The following RORC variants were observed in gnomAD, a reference collection of about 807,000 sequenced individuals.
The protein encoded by RORC is nuclear receptor ROR-gamma.
In RORC, 13 loss-of-function variants were observed where a neutral mutation model predicts 64.5. That is an observed-to-expected ratio of 0.20 (90% CI 0.13 to 0.32). The LOEUF is 0.32. RORC is among the 10% of genes least tolerant of loss of function. RORC has a pLI of 1.00. For synonymous variants in RORC, 277 were observed against 259.3 expected (o/e 1.07, Z -0.65); for missense variants, 468 against 669.5 (o/e 0.70, Z 3.32).
intron 2 of RORC, among the ~76,000 whole-genome samples, chr1:151,817,705 C>A (rs954806282): frequency 6.6e-6 from 1 of 152,246 alleles, no homozygotes; most frequent in African/African-American, 2.4e-5. Context: ...GGCTCAGCTC[C>A]CATGGGCAAA....
intron 2 of RORC, among the ~76,000 whole-genome samples, chr1:151,819,229 C>T (rs1483404871): frequency 6.6e-6 from 1 of 152,196 alleles, no homozygotes; most frequent in East Asian, 1.9e-4. Flanking sequence ...GGCCCCCATA[C>T]TTCTAGTCAC....
At chr1:151,829,492 G>T in intron 1 of RORC, 34 bp from the exon 2 acceptor site, 2 of 1,501,962 alleles carry the variant, frequency 1.3e-6, no homozygotes, top group Non-Finnish European at 1.8e-6. Flanking sequence ...GACGTCAAAG[G>T]TTGAAGATCA....
intron 2 of RORC, among the ~76,000 whole-genome samples, chr1:151,827,746 G>A (rs915827143): frequency 1.6e-4 from 24 of 152,310 alleles, no homozygotes; most frequent in Non-Finnish European, 2.8e-4. Flanking sequence ...GCCGTGGAGT[G>A]GGGGAGAGGC....
In RORC at chr1:151,831,772, C is replaced by G; in HGVS notation, c.-8G>C. 2 of 1,608,474 alleles carry G rather than the reference C, an allele frequency of 1.2e-6. No homozygotes were observed. The highest frequency in any genetic ancestry group is 1.7e-6 in the Non-Finnish European group (2 of 1,179,854). ...CTGTGGGGCCCTGTCCATGGGGCAG[C>G]TCCCTTGGTGCCGTCCTGGCTGCCC... On this transcript the variant is annotated 5_prime_UTR_variant, in exon 1 of 11. Coordinates refer to ENST00000318247, the MANE Select transcript of RORC (RefSeq NM_005060.4).
intron 2 of RORC, among the ~76,000 whole-genome samples, chr1:151,829,090 C>G (rs890620092): frequency 1.3e-5 from 2 of 151,072 alleles, no homozygotes; most frequent in African/African-American, 4.9e-5. Flanking sequence ...ACCTCTATCT[C>G]CTTCCTTCCC....
At chr1:151,823,432 T>A (rs1325028032) in intron 2 of RORC, among the ~76,000 whole-genome samples, 2 of 152,106 alleles carry the variant, frequency 1.3e-5, no homozygotes, top group Admixed American at 1.3e-4. Flanking sequence ...AGACACATTA[T>A]CTCCACTTGA....
Position 151,814,536 on chromosome 1 carries a change from T to A in RORC, c.933+38A>T, listed in dbSNP as rs1572037376. On this transcript the variant is annotated intron_variant, in intron 6 of 10. Coordinates refer to ENST00000318247, the MANE Select transcript of RORC (RefSeq NM_005060.4). Reference sequence around the variant, plus strand: ...CATCTCTGAACTCTCCCGGTGGGGGTGGGATACGTTCCCTTCCTGCAGGTC... The same window carrying A: ...CATCTCTGAACTCTCCCGGTGGGGGAGGGATACGTTCCCTTCCTGCAGGTC... 11 of 1,587,176 alleles carry A rather than the reference T, an allele frequency of 6.9e-6. No homozygotes were observed. In the East Asian group the frequency reaches 1.4e-4, roughly 20 times the overall value.
chr1:151,823,344 C>T lies in RORC; in HGVS notation c.71-6064G>A, dbSNP rs541162360. Among the ~76,000 whole-genome samples the T allele has an allele frequency of 3.3e-5, 5 of 152,332 alleles. No homozygotes were observed. In the East Asian group the frequency reaches 5.8e-4, roughly 18 times the overall value. On this transcript the variant is annotated intron_variant, in intron 2 of 10. Coordinates refer to ENST00000318247, the MANE Select transcript of RORC (RefSeq NM_005060.4). ...ATGCCAGGGCCTGAGTGCCTATTGG[C>T]GCCACGCTGGCCATGCCCTTAGGGG...
intron 2 of RORC, among the ~76,000 whole-genome samples, chr1:151,819,485 C>G (rs1210093106): frequency 6.6e-6 from 1 of 152,222 alleles, no homozygotes; most frequent in Non-Finnish European, 1.5e-5. Flanking sequence ...CCCTCCAACA[C>G]TGTGGCATCT....
Position 151,813,845 on chromosome 1 carries a change from G to C in RORC, c.934-225C>G, listed in dbSNP as rs1572036870. The C allele has an allele frequency of 1.3e-5, 7 of 544,008 alleles. No individual in the cohort carries two copies. In the East Asian group the frequency reaches 2.2e-4, roughly 17 times the overall value. The allele number at this position is 544,008 out of a possible 1,614,324, so 33.7% of individuals were successfully genotyped here. ...GCTGACACCGAGTTAGCTGTTGTGAGGGAATCCAAAAAGTATGAGATACAG... is the reference window on the plus strand; with the variant it reads ...GCTGACACCGAGTTAGCTGTTGTGACGGAATCCAAAAAGTATGAGATACAG... On this transcript the variant is annotated intron_variant, in intron 6 of 10. Transcript: ENST00000318247.
rs956651920 is a variant in RORC, at chr1:151,817,131, T to C, written c.156+64A>G. The C allele has an allele frequency of 1.2e-5, 11 of 902,320 alleles. No individual in the cohort carries two copies. In the African/African-American group the frequency reaches 1.7e-4, roughly 14 times the overall value. 55.9% of individuals were successfully genotyped at this position (902,320 alleles called of 1,614,324 possible). ...GAGACACTGTGTGTGTGTGTGTGTGTGCGCGCGCGCGCGCTTGTGTATGCA... is the reference window on the plus strand; with the variant it reads ...GAGACACTGTGTGTGTGTGTGTGTGCGCGCGCGCGCGCGCTTGTGTATGCA... On this transcript the variant is annotated intron_variant, in intron 3 of 10. Coordinates refer to ENST00000318247, the MANE Select transcript of RORC (RefSeq NM_005060.4).
chr1:151,824,748 C>T lies in RORC; in HGVS notation c.70+4681G>A, dbSNP rs140368561. Among the ~76,000 whole-genome samples, 344 of 152,326 alleles carry T rather than the reference C, an allele frequency of 2.3e-3. 1 individual carries two copies. The highest frequency in any genetic ancestry group is 8.1e-3 in the African/African-American group (335 of 41,580). On this transcript the variant is annotated intron_variant, in intron 2 of 10. Coordinates refer to ENST00000318247, the MANE Select transcript of RORC (RefSeq NM_005060.4). ...TGGGCCTTTGGAATGGGAGACTCTC[C>T]ATAGTTGGTTTTGTTGTTCTATCTT... is the stretch of plus-strand genomic sequence containing the variant.
At chr1:151,808,852 A>G (rs12567867) in intron 10 of RORC, among the ~76,000 whole-genome samples, 47,160 of 152,008 alleles carry the variant, frequency 0.31, 7,946 homozygotes, top group Middle Eastern at 0.45. Context: ...GAATGAAGAG[A>G]TGGGGTAAGC....
At chr1:151,813,643 C>T (rs564353562) in intron 6 of RORC, 23 bp from the exon 7 acceptor site, 13 of 1,613,108 alleles carry the variant, frequency 8.1e-6, no homozygotes, top group South Asian at 4.4e-5. Context: ...AGGAGGGTCC[C>T]GCTGTAGCGC....
rs534799224 is a variant in RORC at position 151,816,063 on chromosome 1, C to T, written c.298+601G>A. 7.9e-5 allele frequency among the ~76,000 whole-genome samples: 12 copies of T among 152,282 alleles called. No homozygotes were observed. The South Asian group carries it at 1.7e-3, about 21-fold the overall frequency. ...TATTTTGGGCACTGAAAAGTGCTGA[C>T]GGGCTCCTTCTGGCTCCTCATCACC... On this transcript the variant is annotated intron_variant, in intron 4 of 10. Transcript: ENST00000318247.
intron 2 of RORC, among the ~76,000 whole-genome samples, chr1:151,823,638 A>ATGTT (rs543524325): frequency 2.1e-3 from 312 of 151,570 alleles, no homozygotes; most frequent in Non-Finnish European, 3.6e-3. Context: ...TCACACCTTC[A>ATGTT]TGTTTGTTTG....
At chr1:151,831,059 T>G (rs1042201437) in intron 1 of RORC, 23 of 1,289,124 alleles carry the variant, frequency 1.8e-5, no homozygotes, top group Middle Eastern at 4.2e-4. Context: ...GGTTCCTGAC[T>G]TGGACCATGG....
intron 2 of RORC, among the ~76,000 whole-genome samples, chr1:151,824,021 C>T (rs1478315169): frequency 1.3e-5 from 2 of 152,208 alleles, no homozygotes; most frequent in African/African-American, 4.8e-5. Flanking sequence ...GAAACTCGCC[C>T]TCTGAGTTGG....
intron 2 of RORC, among the ~76,000 whole-genome samples, chr1:151,819,407 C>T (rs1391482784): frequency 2.0e-5 from 3 of 152,198 alleles, no homozygotes; most frequent in African/African-American, 7.2e-5. Flanking sequence ...GCTGAGAAGA[C>T]CAGTGGGCCT....
Sources: allele counts gnomAD v4.1 joint callset (sites outside exome capture counted in the v4.1 genomes callset), GRCh38; gene constraint gnomAD v4.1.1; transcripts MANE v1.5; gene names NCBI Gene and HGNC (gene_info 2026-07-23, HGNC 2026-07-21).